Variants in TANC2 observed in about 807,000 individuals in gnomAD.
The protein encoded by TANC2 is protein TANC2.
Under a neutral mutation model 210.5 loss-of-function variants are expected in TANC2, and 26 were observed. The ratio of observed to expected loss-of-function variants is 0.12; its 90% CI spans 0.09 to 0.17. The LOEUF is 0.17. TANC2 is among the 10% of genes least tolerant of loss of function. The pLI, the probability that TANC2 is intolerant of heterozygous loss-of-function variation, is 1.00. For synonymous variants in TANC2, 931 were observed against 967.1 expected (o/e 0.96, Z 0.69); for missense variants, 2,129 against 2,608.9 (o/e 0.82, Z 4.01).
intron 2 of TANC2, among the ~76,000 whole-genome samples, chr17:63,057,558 T>A (rs988037603): frequency 3.9e-5 from 6 of 152,080 alleles, no homozygotes; most frequent in Admixed American, 6.6e-5. Context: ...ATAGATATAT[T>A]TTTTTTCGAT....
intron 2 of TANC2, among the ~76,000 whole-genome samples, chr17:63,070,040 A>G (rs2036339389): frequency 1.3e-5 from 2 of 152,200 alleles, no homozygotes; most frequent in Non-Finnish European, 2.9e-5. Flanking sequence ...GTTTACAGAA[A>G]TTTTTATAAA....
intron 7 of TANC2, among the ~76,000 whole-genome samples, chr17:63,207,337 T>A (rs2041752682): frequency 6.8e-6 from 1 of 146,424 alleles, no homozygotes; most frequent in South Asian, 2.3e-4. Context: ...TGCCTCAGCC[T>A]CCCGAGTAGC....
intron 4 of TANC2, 92 bp downstream of exon 4, chr17:63,099,449 G>T: frequency 2.1e-6 from 2 of 949,308 alleles, no homozygotes; most frequent in African/African-American, 1.7e-5. Context: ...TGCATCTTTA[G>T]GTTTTTCCTC....
chr17:63,162,366 G>A (rs1017910444), intron 5 of TANC2, among the ~76,000 whole-genome samples: 3 of 151,996 alleles, frequency 2.0e-5, no homozygotes, highest in Non-Finnish European at 4.4e-5. Context: ...TAATCAATGA[G>A]TATAAACTGC....
Position 63,412,748 on chromosome 17 carries a change from G to A in TANC2, c.3928+39G>A, listed in dbSNP as rs963738368. On this transcript the variant is annotated intron_variant, in intron 24 of 27. Coordinates refer to ENST00000689528, the Ensembl canonical transcript of TANC2. The surrounding 1 kb of genome is among the most constrained non-coding windows in gnomAD (Gnocchi z 4.2). Reference sequence around the variant, plus strand: ...CTGTCAGCATCAGGCGTGGTCTGATGGCTTGGTCAGCTTTGCCTTCTCCTC... The same window carrying A: ...CTGTCAGCATCAGGCGTGGTCTGATAGCTTGGTCAGCTTTGCCTTCTCCTC... The A allele has an allele frequency of 7.2e-6, 11 of 1,533,804 alleles. No homozygotes were observed. The highest frequency in any genetic ancestry group is 2.6e-6 in the Non-Finnish European group (3 of 1,146,330).
intron 14 of TANC2, 64 bp downstream of exon 14, chr17:63,355,454 G>C: frequency 2.1e-6 from 3 of 1,436,916 alleles, no homozygotes; most frequent in Non-Finnish European, 2.7e-6. Flanking sequence ...TGGAGTGTGA[G>C]TATTGAAAGT....
At chr17:63,266,155 T>A (rs1401410327) in intron 8 of TANC2, among the ~76,000 whole-genome samples, 1 of 152,144 alleles carries the variant, frequency 6.6e-6, no homozygotes, top group Non-Finnish European at 1.5e-5. Context: ...ATTGCACAGG[T>A]GTTGGATGGG....
At chr17:63,357,134 T>A (rs2046804191) in intron 14 of TANC2, among the ~76,000 whole-genome samples, 1 of 152,360 alleles carries the variant, frequency 6.6e-6, no homozygotes, top group East Asian at 1.9e-4. Context: ...GGCAACTATG[T>A]ATATAGGAAA....
At chr17:62,998,005 A>C (rs539769262) in intron 1 of TANC2, among the ~76,000 whole-genome samples, 4 of 152,232 alleles carry the variant, frequency 2.6e-5, no homozygotes, top group Admixed American at 1.3e-4. Flanking sequence ...TCAAAACCCA[A>C]TACCAGGAAT....
intron 4 of TANC2, among the ~76,000 whole-genome samples, chr17:63,127,782 G>A (rs1250346455): frequency 1.3e-5 from 2 of 152,120 alleles, no homozygotes; most frequent in African/African-American, 2.4e-5. Flanking sequence ...TTTTATTTGC[G>A]TTCTGCATAT....
chr17:63,060,506 A>G (rs1298587863), intron 2 of TANC2, among the ~76,000 whole-genome samples: 1 of 152,174 alleles, frequency 6.6e-6, no homozygotes, highest in African/African-American at 2.4e-5. Flanking sequence ...CTGTAATCCC[A>G]GCTACTCAGG....
Position 63,020,503 on chromosome 17 carries a change from T to C in TANC2, c.67+10877T>C, listed in dbSNP as rs113069014. Among the ~76,000 whole-genome samples the C allele has an allele frequency of 4.3e-4, 65 of 152,288 alleles. 1 individual carries two copies. The Middle Eastern group carries it at 0.024, about 56-fold the overall frequency. On this transcript the variant is annotated intron_variant, in intron 2 of 27. Transcript: ENST00000689528. ...TTTTTTTTATAGAGACGAGGTCTTA[T>C]GATGTTGCCCAGGCAGAAGTTTTAC...
intron 2 of TANC2, among the ~76,000 whole-genome samples, chr17:63,049,271 G>A (rs79897396): frequency 0.018 from 2,717 of 152,216 alleles, 36 homozygotes; most frequent in South Asian, 0.025. Context: ...AAGATGACCA[G>A]AATTAAGATG....
At chr17:63,098,622 GCCATTA>G (rs1185989965) in intron 3 of TANC2, among the ~76,000 whole-genome samples, 2 of 150,678 alleles carry the variant, frequency 1.3e-5, no homozygotes, top group Non-Finnish European at 3.0e-5. Flanking sequence ...ACATAATTCT[GCCATTA>G]CCAGAAGTGG....
chr17:63,148,749 C>T (rs1303268642), intron 4 of TANC2: 1 of 152,162 alleles, frequency 6.6e-6, no homozygotes, highest in Non-Finnish European at 1.5e-5. Context: ...TTCTCTTACT[C>T]ACATGAATCA....
At chr17:63,100,323 A>G (rs1197905897) in intron 4 of TANC2, among the ~76,000 whole-genome samples, 4 of 152,136 alleles carry the variant, frequency 2.6e-5, no homozygotes, top group Non-Finnish European at 5.9e-5. Flanking sequence ...CATTTCTTCT[A>G]TAGTTCTACA....
chr17:63,045,056 C>G (rs1247308454), intron 2 of TANC2, among the ~76,000 whole-genome samples: 1 of 151,610 alleles, frequency 6.6e-6, no homozygotes, highest in Non-Finnish European at 1.5e-5. Flanking sequence ...CCAATCATTC[C>G]GAAAAAAAAT....
At chr17:63,164,129 C>CT (rs529912657) in intron 5 of TANC2, among the ~76,000 whole-genome samples, 20,927 of 126,758 alleles carry the variant, frequency 0.17, 2,283 homozygotes, top group Non-Finnish European at 0.23. Flanking sequence ...GCATCAGCAG[C>CT]TTTTTTTTTT....
intron 2 of TANC2, among the ~76,000 whole-genome samples, chr17:63,049,086 A>C (rs1050815628): frequency 3.3e-5 from 5 of 152,218 alleles, no homozygotes; most frequent in Non-Finnish European, 4.4e-5. Flanking sequence ...AAATTCCCAA[A>C]GAATTCTGAG....
Sources: allele counts gnomAD v4.1 joint callset (sites outside exome capture counted in the v4.1 genomes callset), GRCh38; gene constraint gnomAD v4.1.1; non-coding constraint Gnocchi (gnomAD v3.1); transcripts MANE v1.5; gene names NCBI Gene and HGNC (gene_info 2026-07-23, HGNC 2026-07-21).